Variants in CCDC181 observed in about 807,000 individuals in gnomAD.
CCDC181 encodes coiled-coil domain containing 181.
In CCDC181, 35 loss-of-function variants were observed where a neutral mutation model predicts 58.7. The ratio of observed to expected loss-of-function variants is 0.60; its 90% CI spans 0.46 to 0.79. CCDC181 has a LOEUF of 0.79. Among genes scored for constraint, CCDC181 ranks in the 30% least tolerant of loss-of-function variants. The pLI is 0.00. For synonymous variants in CCDC181, 183 were observed against 197.5 expected (o/e 0.93, Z 0.62); for missense variants, 517 against 583.9 (o/e 0.89, Z 1.18).
At chr1:169,424,976 T>C in intron 1 of CCDC181, 26 bp from the exon 2 acceptor site, 2 of 1,138,996 alleles carry the variant, frequency 1.8e-6, no homozygotes, top group Non-Finnish European at 2.6e-6. Context: ...AGATAAGGTA[T>C]ATGTTATGCC....
chr1:169,459,661 G>A (rs898926668), intron 2 of CCDC181: 1 of 152,080 alleles, frequency 6.6e-6, no homozygotes, highest in African/African-American at 2.4e-5. Context: ...GAGGCCTATT[G>A]TTGGTTACTT....
In CCDC181 at chr1:169,397,343, T is replaced by G; in HGVS notation, c.1264A>C (p.Lys422Gln). The change falls in exon 5 of 6, where the codon AAG (lysine) becomes CAG (glutamine). Residue 422 changes from lysine (K) to glutamine (Q), a missense_variant. Transcript: ENST00000367806. The part of the protein sequence containing the change: ...QQAFRLWLKK[K>Q]HEEQMKERQT... ...CTTTCTTTCATCTGCTCTTCGTGCT[T>G]TTTTTTAAGCCATAATCGAAAAGCT... 2 of 1,611,578 alleles carry G rather than the reference T, an allele frequency of 1.2e-6. No individual in the cohort carries two copies. Among genetic ancestry groups the G allele is most frequent in the Non-Finnish European group, 1.7e-6 (2 of 1,178,964 alleles).
intron 2 of CCDC181, among the ~76,000 whole-genome samples, chr1:169,446,650 C>A (rs188694974): frequency 1.2e-4 from 18 of 152,066 alleles, no homozygotes; most frequent in Non-Finnish European, 2.5e-4. Context: ...AAATTAAATA[C>A]CAATGCTCTA....
chr1:169,442,645 T>C (rs1258918040), intron 2 of CCDC181: 5 of 152,128 alleles, frequency 3.3e-5, no homozygotes, highest in Non-Finnish European at 7.4e-5. Context: ...TTGTAATGTT[T>C]AACACACATA....
intron 4 of CCDC181, among the ~76,000 whole-genome samples, chr1:169,398,660 A>G (rs1044619258): frequency 6.6e-6 from 1 of 152,198 alleles, no homozygotes; most frequent in Non-Finnish European, 1.5e-5. Context: ...TCAGTTTCTC[A>G]GTCATACTAG....
intron 2 of CCDC181, chr1:169,442,949 A>G (rs1657273991): frequency 6.6e-6 from 1 of 151,958 alleles, no homozygotes. Flanking sequence ...TTATATGCAG[A>G]TTTCACATAT....
At chr1:169,404,875 T>A (rs1461518196) in intron 4 of CCDC181, among the ~76,000 whole-genome samples, 2 of 152,228 alleles carry the variant, frequency 1.3e-5, no homozygotes, top group Non-Finnish European at 2.9e-5. Context: ...AAATTGTCCC[T>A]GTTTGCAGAT....
chr1:169,440,538 A>G (rs1487479214), intron 2 of CCDC181, among the ~76,000 whole-genome samples: 1 of 152,242 alleles, frequency 6.6e-6, no homozygotes, highest in African/African-American at 2.4e-5. Flanking sequence ...CATTGTACAT[A>G]GAGATGATAG....
In CCDC181 at chr1:169,419,084, T is replaced by G. The variant is rs761833064; in HGVS notation, c.1144A>C (p.Lys382Gln). The G allele has an allele frequency of 1.9e-6, 3 of 1,613,784 alleles. No individual in the cohort carries two copies. The highest frequency in any genetic ancestry group is 1.7e-6 in the Non-Finnish European group (2 of 1,179,956). The change falls in exon 4 of 6, where the codon AAG becomes CAG. Residue 382 changes from lysine to glutamine, a missense_variant. Lys to Gln is a moderately conservative substitution (Grantham distance 53). Coordinates refer to ENST00000367806, the MANE Select transcript of CCDC181 (RefSeq NM_001300969.2). Reference sequence around the variant, plus strand: ...ATTTCTAAGACCTGCTCTCTTTTCTTTTGCAACCACGCTTTAAATACTATG... The same window carrying G: ...ATTTCTAAGACCTGCTCTCTTTTCTGTTGCAACCACGCTTTAAATACTATG... ...NDIVFKAWLQ[K>Q]KREQVLEMRR...
intron 3 of CCDC181, among the ~76,000 whole-genome samples, chr1:169,420,154 A>G (rs931042491): frequency 6.6e-6 from 1 of 152,246 alleles, no homozygotes; most frequent in African/African-American, 2.4e-5. Flanking sequence ...TAACTTTTGT[A>G]AAAATATACA....
chr1:169,423,202 T>C (rs1372635654), intron 2 of CCDC181, among the ~76,000 whole-genome samples: 1 of 151,846 alleles, frequency 6.6e-6, no homozygotes, highest in African/African-American at 2.4e-5. Flanking sequence ...TCCTGTGTGA[T>C]AGTGAAGGTC....
At chr1:169,430,475 G>GT (rs907118896), upstream of CCDC181, among the ~76,000 whole-genome samples, 3 of 152,204 alleles carry the variant, frequency 2.0e-5, no homozygotes, top group Admixed American at 1.3e-4. Flanking sequence ...TTTCATCAGT[G>GT]TTTTTTAGTT....
Position 169,397,225 on chromosome 1 carries a change from C to T in CCDC181, c.1370+12G>A, listed in dbSNP as rs757691358. The T allele has an allele frequency of 1.9e-6, 3 of 1,566,612 alleles. No individual in the cohort carries two copies. The highest frequency in any genetic ancestry group is 2.3e-5 in the East Asian group (1 of 43,400). On this transcript the variant is annotated intron_variant, in intron 5 of 5. Transcript: ENST00000367806. Reference sequence around the variant, plus strand: ...GAAGGAGGAGGGGGGAAATGCCCTGCCTTTAACTTACTGTTTAAAGGCCCT... The same window carrying T: ...GAAGGAGGAGGGGGGAAATGCCCTGTCTTTAACTTACTGTTTAAAGGCCCT...
At chr1:169,438,864 A>T (rs1039911214) in intron 2 of CCDC181, among the ~76,000 whole-genome samples, 1 of 152,170 alleles carries the variant, frequency 6.6e-6, no homozygotes, top group Non-Finnish European at 1.5e-5. Context: ...CCCTTCACAT[A>T]TACAAAAACA....
At chr1:169,447,129 T>C (rs78270548) in intron 2 of CCDC181, among the ~76,000 whole-genome samples, 2,893 of 152,250 alleles carry the variant, frequency 0.019, 42 homozygotes, top group Non-Finnish European at 0.031. Context: ...GTTTATTTTT[T>C]TGAGACAGAG....
Position 169,423,145 on chromosome 1 carries a change from C to A in CCDC181, c.118-832G>T, listed in dbSNP as rs141208761. 1.8e-3 allele frequency among the ~76,000 whole-genome samples: 270 copies of A among 151,150 alleles called. 1 individual carries two copies. Among genetic ancestry groups the A allele is most frequent in the African/African-American group, 6.1e-3 (251 of 41,366 alleles). ...TATGGGAGCTACTACATGCTTCTCT[C>A]TTCAACCCCTTAAAATCACTTTCCT... On this transcript the variant is annotated intron_variant, in intron 2 of 5. Coordinates refer to ENST00000367806, the MANE Select transcript of CCDC181 (RefSeq NM_001300969.2).
rs1476801869 is a variant in CCDC181 at position 169,422,308 on chromosome 1, A to C, written c.123T>G (p.Ala41=). The C allele has an allele frequency of 3.9e-6, 6 of 1,530,968 alleles. No homozygotes were observed. Among genetic ancestry groups the C allele is most frequent in the Non-Finnish European group, 5.3e-6 (6 of 1,131,080 alleles). 94.8% of individuals were successfully genotyped at this position (1,530,968 alleles called of 1,614,324 possible). A position where few individuals can be genotyped will look rare whatever the true frequency, so the allele number is the denominator to read the frequency against. The change falls in exon 3 of 6, where the codon GCT becomes GCG. Residue 41 remains alanine (A), a synonymous_variant. Transcript: ENST00000367806. ...EKSDASIIEM[A]CEKEENINQD... ...GGTTAATATTCTCTTCCTTCTCACA[A>C]GCCATCTAAAAACAAGATATTTTTC...
chr1:169,409,311 G>A (rs1280774128), intron 4 of CCDC181, among the ~76,000 whole-genome samples: 2 of 152,136 alleles, frequency 1.3e-5, no homozygotes, highest in African/African-American at 2.4e-5. Context: ...TCAACATAAT[G>A]AAATAAAGTG....
chr1:169,446,532 T>G (rs377228269), intron 2 of CCDC181, among the ~76,000 whole-genome samples: 1 of 152,192 alleles, frequency 6.6e-6, no homozygotes, highest in East Asian at 1.9e-4. Flanking sequence ...TATTTCTTCT[T>G]TGCTAATAAA....
Sources: allele counts gnomAD v4.1 joint callset (sites outside exome capture counted in the v4.1 genomes callset), GRCh38; gene constraint gnomAD v4.1.1; transcripts MANE v1.5; gene names NCBI Gene and HGNC (gene_info 2026-07-23, HGNC 2026-07-21).